The following FREM1 variants were observed in gnomAD, a reference collection of about 807,000 sequenced individuals.
FREM1 encodes the protein FRAS1-related extracellular matrix protein 1.
In FREM1, 220 loss-of-function variants were observed where a neutral mutation model predicts 210.1. The observed-to-expected ratio is 1.05, with a 90% CI of 0.94 to 1.17. The LOEUF is 1.17. Among genes scored for constraint, FREM1 ranks in the 50% most tolerant of loss-of-function variants. The pLI is 0.00. For missense variants in FREM1, 3,454 were observed against 2,675.5 expected (o/e 1.29, Z -6.42); for synonymous variants, 1,189 against 980.2 (o/e 1.21, Z -3.98).
intron 27 of FREM1, among the ~76,000 whole-genome samples, chr9:14,762,981 A>C (rs1845778977): frequency 6.6e-6 from 1 of 152,194 alleles, no homozygotes; most frequent in Non-Finnish European, 1.5e-5. Context: ...CTAGATGTGT[A>C]GGTGTCATGT....
Position 14,756,463 on chromosome 9 carries a change from A to C in FREM1, c.5335-17T>G. 2 of 1,550,240 alleles carry C rather than the reference A, an allele frequency of 1.3e-6. No homozygotes were observed. On this transcript the variant is annotated splice_polypyrimidine_tract_variant and intron_variant, in intron 28 of 36. Coordinates refer to ENST00000380880, the MANE Select transcript of FREM1 (RefSeq NM_001379081.2). Reference sequence around the variant, plus strand: ...TTGGTTGACCTTAGGAGGGAAAAAAAAATCTTTTTAAGATAAAAATAAATA... The same window carrying C: ...TTGGTTGACCTTAGGAGGGAAAAAACAATCTTTTTAAGATAAAAATAAATA...
At chr9:14,875,957 C>T (rs1471570008) in intron 1 of FREM1, among the ~76,000 whole-genome samples, 2 of 152,210 alleles carry the variant, frequency 1.3e-5, no homozygotes, top group Non-Finnish European at 2.9e-5. Flanking sequence ...CCCTGTTTGC[C>T]TGGGTATCCA....
At chr9:14,831,214 G>A (rs1823500481) in intron 10 of FREM1, among the ~76,000 whole-genome samples, 1 of 152,192 alleles carries the variant, frequency 6.6e-6, no homozygotes, top group African/African-American at 2.4e-5. Flanking sequence ...CCCATTCTGG[G>A]TGTTGGCAGA....
chr9:14,857,519 C>G, intron 5 of FREM1, 34 bp downstream of exon 5: 1 of 1,552,902 alleles, frequency 6.4e-7, no homozygotes. Flanking sequence ...TACTGTGAAT[C>G]CTGGGGGCAC....
rs562782403 is a variant in FREM1, at chr9:14,892,751, C to G, written c.-268+17163G>C. The stretch of plus-strand genomic sequence containing the variant: ...TTCTACTGACAAGCTGCCGCCTGAA[C>G]TTTTCAGTGTCGCTGCAATGGGTGG... On this transcript the variant is annotated intron_variant, in intron 1 of 36. Coordinates refer to ENST00000380880, the MANE Select transcript of FREM1 (RefSeq NM_001379081.2). Among the ~76,000 whole-genome samples, 8 of 152,306 alleles carry G rather than the reference C, an allele frequency of 5.3e-5. No homozygotes were observed. The South Asian group carries it at 1.7e-3, about 32-fold the overall frequency.
At chr9:14,812,470 A>C (rs1402662173) in intron 16 of FREM1, among the ~76,000 whole-genome samples, 1 of 152,154 alleles carries the variant, frequency 6.6e-6, no homozygotes, top group African/African-American at 2.4e-5. Flanking sequence ...AGCTTGCTTC[A>C]GGCATTTCTG....
intron 7 of FREM1, among the ~76,000 whole-genome samples, chr9:14,847,033 G>A (rs2131310394): frequency 6.6e-6 from 1 of 152,316 alleles, no homozygotes; most frequent in South Asian, 2.1e-4. Flanking sequence ...TGCAATGGCT[G>A]CTAAGAGGGG....
chr9:14,851,577 T>C lies in FREM1; in HGVS notation c.859A>G (p.Arg287Gly). Residue 287 changes from arginine (R) to glycine (G), a missense_variant, in exon 6 of 37, where the codon AGA (arginine) becomes GGA (glycine). Coordinates refer to ENST00000380880, the MANE Select transcript of FREM1 (RefSeq NM_001379081.2). ...GGAATCTGATTCGGAATTCCAGCTCTGATATAGACAGGCAGCCACGCACTC... is the reference window on the plus strand; with the variant it reads ...GGAATCTGATTCGGAATTCCAGCTCCGATATAGACAGGCAGCCACGCACTC... ...SESAWLPVYI[R>G]AGIPNQIPKA... 6.2e-7 allele frequency: 1 copy of C among 1,613,892 alleles called. No individual in the cohort carries two copies. Among genetic ancestry groups the C allele is most frequent in the Non-Finnish European group, 8.5e-7 (1 of 1,179,784 alleles).
chr9:14,753,336 C>T (rs1029553720), intron 29 of FREM1, among the ~76,000 whole-genome samples: 1 of 152,142 alleles, frequency 6.6e-6, no homozygotes, highest in Non-Finnish European at 1.5e-5. Flanking sequence ...GATCTGTTCC[C>T]TTGGAAAACA....
At chr9:14,739,399 C>G (rs1393761114) in intron 36 of FREM1, among the ~76,000 whole-genome samples, 1 of 150,014 alleles carries the variant, frequency 6.7e-6, no homozygotes, top group Non-Finnish European at 1.5e-5. Context: ...CCACCATACC[C>G]AGCCTACCTA....
At chr9:14,898,901 G>A (rs1775574508) in intron 1 of FREM1, among the ~76,000 whole-genome samples, 1 of 152,168 alleles carries the variant, frequency 6.6e-6, no homozygotes, top group South Asian at 2.1e-4. Context: ...AAGTGAGAAG[G>A]TATATAGGAA....
At chr9:14,809,860 G>C (rs551721970) in intron 16 of FREM1, among the ~76,000 whole-genome samples, 5 of 148,430 alleles carry the variant, frequency 3.4e-5, no homozygotes, top group African/African-American at 1.2e-4. Flanking sequence ...AGGAAATGCA[G>C]TGTGGTTAGA....
intron 10 of FREM1, among the ~76,000 whole-genome samples, chr9:14,829,313 G>A (rs1056997764): frequency 3.3e-5 from 5 of 152,128 alleles, no homozygotes; most frequent in African/African-American, 1.2e-4. Context: ...ATTAATTACT[G>A]TCTGAAAATG....
Position 14,759,781 on chromosome 9 carries a change from C to T in FREM1, c.5325G>A (p.Val1775=), listed in dbSNP as rs537777050. 3 of 1,606,032 alleles carry T rather than the reference C, an allele frequency of 1.9e-6. No individual in the cohort carries two copies. Among genetic ancestry groups the T allele is most frequent in the East Asian group, 2.2e-5 (1 of 44,564 alleles). Residue 1775 remains valine (V), a synonymous_variant, in exon 28 of 37, where the codon GTG becomes GTA. Transcript: ENST00000380880. Reference sequence around the variant, plus strand: ...ATTTCAGAGTCATTACCTTTATACCCACAAAGGCCGAGTCCATGGAATATC... The same window carrying T: ...ATTTCAGAGTCATTACCTTTATACCTACAAAGGCCGAGTCCATGGAATATC... ...RRGYSMDSAF[V]GIKVNQVSAA... is the part of the protein sequence containing the mutation.
intron 6 of FREM1, among the ~76,000 whole-genome samples, chr9:14,849,954 A>T (rs1348286498): frequency 2.0e-5 from 3 of 152,208 alleles, no homozygotes; most frequent in African/African-American, 7.2e-5. Context: ...AAAGGGGGAA[A>T]TAAAAGCAGA....
chr9:14,887,011 T>C (rs933825854), intron 1 of FREM1, among the ~76,000 whole-genome samples: 1 of 152,094 alleles, frequency 6.6e-6, no homozygotes, highest in Non-Finnish European at 1.5e-5. Context: ...ATAAATCAAA[T>C]TTAAAGTTTT....
intron 5 of FREM1, among the ~76,000 whole-genome samples, chr9:14,854,591 G>C (rs1216138317): frequency 6.6e-6 from 1 of 151,852 alleles, no homozygotes; most frequent in African/African-American, 2.4e-5. Flanking sequence ...GGGGAATAGA[G>C]CAAAAATAAG....
Position 14,750,141 on chromosome 9 carries a change from A to C in FREM1, c.5543T>G (p.Leu1848Trp). 1.2e-6 allele frequency: 2 copies of C among 1,613,828 alleles called. No individual in the cohort carries two copies. Among genetic ancestry groups the C allele is most frequent in the Non-Finnish European group, 1.7e-6 (2 of 1,179,796 alleles). Residue 1848 changes from leucine (L) to tryptophan (W), a missense_variant, in exon 30 of 37, where the codon TTG becomes TGG. Leu to Trp is a moderately conservative substitution (Grantham distance 61). Coordinates refer to ENST00000380880, the MANE Select transcript of FREM1 (RefSeq NM_001379081.2). ...GTKTKAAVKI[L>W]DSKGGQCHPS... Reference sequence around the variant, plus strand: ...CAAAAGAATACCTCCTTTTGAGTCCAAAATTTTCACTGCAGCTTTTGTCTT... The same window carrying C: ...CAAAAGAATACCTCCTTTTGAGTCCCAAATTTTCACTGCAGCTTTTGTCTT...
At chr9:14,831,901 C>T (rs1467777115) in intron 10 of FREM1, among the ~76,000 whole-genome samples, 1 of 152,108 alleles carries the variant, frequency 6.6e-6, no homozygotes. Context: ...AAGCGGGTGC[C>T]GGGAATCCAA....
Sources: gnomAD v4.1 joint callset for allele counts (sites outside exome capture counted in the v4.1 genomes callset) on GRCh38, gnomAD v4.1.1 for gene constraint, MANE v1.5 for transcripts, NCBI Gene and HGNC (gene_info 2026-07-23, HGNC 2026-07-21) for gene names.